CNTNAP2: variants seen among roughly 807,000 people sequenced by gnomAD.
CNTNAP2 encodes contactin-associated protein-like 2.
A neutral mutation model predicts 155.2 loss-of-function variants in CNTNAP2; 98 were observed. The ratio of observed to expected loss-of-function variants is 0.63; its 90% CI spans 0.54 to 0.75. The LOEUF is 0.75. Ranked by LOEUF, CNTNAP2 falls within the 30% of genes least tolerant of loss-of-function variation. The probability of loss-of-function intolerance (pLI) is 0.00; values close to 1 mark genes in which losing one functional copy is unlikely to be tolerated. For missense variants in CNTNAP2, 1,727 were observed against 1,688.1 expected, an observed-to-expected ratio of 1.02 and a Z score of -0.40; for synonymous variants, 651 against 631.2, an observed-to-expected ratio of 1.03 and a Z score of -0.47.
chr7:147,041,058 T>C (rs1302879331), intron 3 of CNTNAP2, among the ~76,000 whole-genome samples: 2 of 152,208 alleles, frequency 1.3e-5, no homozygotes, highest in Non-Finnish European at 2.9e-5. Context: ...ATCTTCTTGC[T>C]CCCAGTATGA....
At chr7:148,023,727 G>A (rs1407902026) in intron 15 of CNTNAP2, among the ~76,000 whole-genome samples, 1 of 152,192 alleles carries the variant, frequency 6.6e-6, no homozygotes, top group Non-Finnish European at 1.5e-5. Context: ...GAAGTTGGAT[G>A]CTGTTTGCTG....
intron 1 of CNTNAP2, among the ~76,000 whole-genome samples, chr7:146,183,052 A>G (rs1798572015): frequency 6.6e-6 from 1 of 152,166 alleles, no homozygotes. Flanking sequence ...CAGTTATCCT[A>G]TAAATGTTCT....
chr7:146,315,051 G>T (rs562518013), intron 1 of CNTNAP2, among the ~76,000 whole-genome samples: 1 of 152,164 alleles, frequency 6.6e-6, no homozygotes, highest in Non-Finnish European at 1.5e-5. Context: ...GCCCTCGTAG[G>T]TGCTGTGCTT....
At chr7:146,793,383 A>T (rs1284304836) in intron 2 of CNTNAP2, among the ~76,000 whole-genome samples, 1 of 152,226 alleles carries the variant, frequency 6.6e-6, no homozygotes, top group East Asian at 1.9e-4. Context: ...CAACATGCCA[A>T]GTCTGAGTAG....
chr7:147,029,841 G>A (rs965510688), intron 3 of CNTNAP2, among the ~76,000 whole-genome samples: 6 of 152,142 alleles, frequency 3.9e-5, no homozygotes, highest in African/African-American at 1.4e-4. Flanking sequence ...TTGAAAGATG[G>A]TAATTTACCT....
intron 8 of CNTNAP2, among the ~76,000 whole-genome samples, chr7:147,247,519 A>C (rs535971620): frequency 6.6e-6 from 1 of 152,134 alleles, no homozygotes; most frequent in African/African-American, 2.4e-5. Flanking sequence ...TCATTCAATC[A>C]GTTGTTTTTA....
intron 15 of CNTNAP2, among the ~76,000 whole-genome samples, chr7:148,106,495 T>TATATATATATATATATATA (rs1804223455): frequency 6.3e-5 from 1 of 15,894 alleles, no homozygotes; most frequent in African/African-American, 8.1e-5. Flanking sequence ...CACTTTGAGA[T>TATATATATATATATATATA]ATATATATAT....
At position 146,638,476 on chromosome 7, in the gene CNTNAP2, C is replaced by CTTTTTTTTT. The variant is rs879600389; in HGVS notation, c.98-135781_98-135773dup. On this transcript the variant is annotated intron_variant, in intron 1 of 23. Transcript: ENST00000361727. ...AACAGTTTAATACAGTCAGGTGTTT[C>CTTTTTTTTT]TTTTTTTTTTTTTTTTTTTTTTCTT... 1.3e-3 allele frequency among the ~76,000 whole-genome samples: 86 copies of CTTTTTTTTT among 64,358 alleles called. 8 individuals are homozygous for CTTTTTTTTT. Among genetic ancestry groups the CTTTTTTTTT allele is most frequent in the East Asian group, 0.013 (25 of 1,886 alleles). The allele number at this position is 64,358 out of a possible 152,430, so 42.2% of individuals were successfully genotyped here. A position where few individuals can be genotyped will look rare whatever the true frequency, so the allele number is the denominator to read the frequency against.
chr7:148,339,083 T>C (rs1798175432), intron 21 of CNTNAP2, among the ~76,000 whole-genome samples: 1 of 152,192 alleles, frequency 6.6e-6, no homozygotes, highest in South Asian at 2.1e-4. Flanking sequence ...ACAGTAACCC[T>C]TTCCATGCTA....
intron 10 of CNTNAP2, among the ~76,000 whole-genome samples, chr7:147,399,586 G>A (rs1338747998): frequency 6.6e-6 from 1 of 152,168 alleles, no homozygotes; most frequent in Non-Finnish European, 1.5e-5. Flanking sequence ...GGGAAGACTA[G>A]TTGTAGAGAA....
intron 3 of CNTNAP2, among the ~76,000 whole-genome samples, chr7:146,844,278 C>T (rs1803800873): frequency 6.6e-6 from 1 of 152,068 alleles, no homozygotes; most frequent in South Asian, 2.1e-4. Context: ...ATTCAAAGAT[C>T]TGAGTTTCTA....
chr7:147,827,792 CA>C (rs1798480476), intron 13 of CNTNAP2, among the ~76,000 whole-genome samples: 1 of 152,012 alleles, frequency 6.6e-6, no homozygotes, highest in South Asian at 2.1e-4. Flanking sequence ...GGTTTCTGAC[CA>C]GTTGTTTTCC....
At chr7:146,615,734 A>C (rs1799213321) in intron 1 of CNTNAP2, among the ~76,000 whole-genome samples, 1 of 152,184 alleles carries the variant, frequency 6.6e-6, no homozygotes, top group African/African-American at 2.4e-5. Flanking sequence ...TTTGTGGATC[A>C]ATATCCTAGT....
intron 10 of CNTNAP2, among the ~76,000 whole-genome samples, chr7:147,476,440 T>G (rs1461376739): frequency 1.3e-5 from 2 of 148,864 alleles, no homozygotes; most frequent in Non-Finnish European, 3.0e-5. Flanking sequence ...GATTTCATCA[T>G]GACTTTTTAA....
chr7:146,505,978 T>C (rs1326299292), intron 1 of CNTNAP2, among the ~76,000 whole-genome samples: 2 of 152,166 alleles, frequency 1.3e-5, no homozygotes, highest in African/African-American at 4.8e-5. Context: ...GTCCCTTATA[T>C]CACTCAATAA....
intron 3 of CNTNAP2, among the ~76,000 whole-genome samples, chr7:146,982,254 T>C (rs1798031783): frequency 6.6e-6 from 1 of 152,154 alleles, no homozygotes; most frequent in Non-Finnish European, 1.5e-5. Flanking sequence ...ACATTAATTA[T>C]TATATTCTAC....
intron 21 of CNTNAP2, among the ~76,000 whole-genome samples, chr7:148,332,173 A>G (rs1239628750): frequency 6.6e-6 from 1 of 152,152 alleles, no homozygotes; most frequent in Admixed American, 6.5e-5. Flanking sequence ...GACAAAAAAA[A>G]AAAAAAAACC....
intron 11 of CNTNAP2, among the ~76,000 whole-genome samples, chr7:147,520,333 T>C (rs886237929): frequency 6.6e-6 from 1 of 152,200 alleles, no homozygotes; most frequent in South Asian, 2.1e-4. Context: ...TAGCTTCCTG[T>C]GCAATATCAA....
chr7:146,488,830 A>G (rs907517352), intron 1 of CNTNAP2, among the ~76,000 whole-genome samples: 1 of 152,026 alleles, frequency 6.6e-6, no homozygotes, highest in Non-Finnish European at 1.5e-5. Context: ...CACGTTGCCC[A>G]GGCTAGCCTC....
Sources: allele counts gnomAD v4.1 joint callset (sites outside exome capture counted in the v4.1 genomes callset), GRCh38; gene constraint gnomAD v4.1.1; transcripts MANE v1.5; gene names NCBI Gene and HGNC (gene_info 2026-07-23, HGNC 2026-07-21).